The following SLC1A1 variants were observed in gnomAD, a reference collection of about 807,000 sequenced individuals.
SLC1A1 encodes the protein excitatory amino acid transporter 3.
Under a neutral mutation model 53.3 loss-of-function variants are expected in SLC1A1, and 43 were observed. The observed-to-expected ratio is 0.81, with a 90% confidence interval of 0.63 to 1.04. The LOEUF (loss-of-function observed/expected upper bound fraction) is 1.04, where lower values mean the gene tolerates loss of function less well. SLC1A1 is among the 50% of genes least tolerant of loss of function. SLC1A1 has a pLI of 0.00. For missense variants in SLC1A1, 748 were observed against 664.9 expected, an observed-to-expected ratio of 1.12 and a Z score of -1.37; for synonymous variants, 307 against 243.2, an observed-to-expected ratio of 1.26 and a Z score of -2.44.
chr9:4,556,038 A>G lies in SLC1A1; in HGVS notation c.233-5411A>G, dbSNP rs1564033011. ...AGTTTCACTCCTGTTGCCCAGGCTG[A>G]AGTGCAGTGGCATGATATCGGCTCA... is the stretch of plus-strand genomic sequence containing the variant. On this transcript the variant is annotated intron_variant, in intron 2 of 11. Transcript: ENST00000262352. This position sits in a 1 kb window ranked among gnomAD's most constrained non-coding sequence, Gnocchi z 4.1. Among the ~76,000 whole-genome samples, 1 of 151,282 alleles carries G rather than the reference A, an allele frequency of 6.6e-6. No homozygotes were observed. The highest frequency in any genetic ancestry group is 1.5e-5 in the Non-Finnish European group (1 of 67,872).
chr9:4,528,559 G>C (rs890973990), intron 1 of SLC1A1, among the ~76,000 whole-genome samples: 7 of 152,152 alleles, frequency 4.6e-5, no homozygotes, highest in African/African-American at 1.4e-4. Context: ...CTGGGAGACA[G>C]AGCAGGACTC....
Position 4,509,081 on chromosome 9 carries a change from C to T in SLC1A1, c.91+18311C>T, listed in dbSNP as rs145064873. Among the ~76,000 whole-genome samples the T allele has an allele frequency of 8.2e-3, 1,246 of 152,114 alleles. 27 individuals are homozygous for T. The highest frequency in any genetic ancestry group is 0.029 in the African/African-American group (1,194 of 41,492). ...TGGAGGAGGTGGCTTTTTAACTAGG[C>T]TTTAAGGGGTGGGTAGGAGTTTATT... On this transcript the variant is annotated intron_variant, in intron 1 of 11. Coordinates refer to ENST00000262352, the MANE Select transcript of SLC1A1 (RefSeq NM_004170.6).
chr9:4,547,765 C>A (rs970430631), intron 2 of SLC1A1, among the ~76,000 whole-genome samples: 1 of 151,946 alleles, frequency 6.6e-6, no homozygotes, highest in African/African-American at 2.4e-5. Flanking sequence ...TAAATGTATA[C>A]AAATTTATAT....
intron 2 of SLC1A1, among the ~76,000 whole-genome samples, chr9:4,561,013 AAACAAC>A (rs869138304): frequency 1.4e-5 from 2 of 141,654 alleles, no homozygotes; most frequent in Non-Finnish European, 3.2e-5. Context: ...ACAAACAAAC[AAACAAC>A]AACAACAACA....
intron 8 of SLC1A1, among the ~76,000 whole-genome samples, chr9:4,574,954 G>A (rs150843682): frequency 1.3e-5 from 2 of 152,302 alleles, no homozygotes; most frequent in East Asian, 3.9e-4. Context: ...GCTAAGGGAG[G>A]TGGGACCTCC....
chr9:4,539,805 C>T lies in SLC1A1; in HGVS notation c.92-4762C>T, dbSNP rs946349014. ...CAGGATGGTCTCAAACTCCTGACCT[C>T]GTGATCCATCTGCCTTGGCCTCCCA... On this transcript the variant is annotated intron_variant, in intron 1 of 11. Coordinates refer to ENST00000262352, the MANE Select transcript of SLC1A1 (RefSeq NM_004170.6). Among the ~76,000 whole-genome samples the T allele has an allele frequency of 3.3e-5, 5 of 152,062 alleles. No individual in the cohort carries two copies. The East Asian group carries it at 5.8e-4, about 18-fold the overall frequency.
At chr9:4,533,811 A>G (rs1816568989) in intron 1 of SLC1A1, among the ~76,000 whole-genome samples, 2 of 152,194 alleles carry the variant, frequency 1.3e-5, no homozygotes, top group African/African-American at 4.8e-5. Context: ...AGTTGGAAGT[A>G]AAGCACTCCT....
rs1367074462 is a variant in SLC1A1, at chr9:4,572,226, T to C, written c.605T>C (p.Ile202Thr). 1 of 1,613,442 alleles carries C rather than the reference T, an allele frequency of 6.2e-7. No homozygotes were observed. The highest frequency in any genetic ancestry group is 1.1e-5 in the South Asian group (1 of 91,076). The stretch of plus-strand genomic sequence containing the variant: ...CAGAACAAAACAAAGGAATACAAAA[T>C]TGTTGGCATGTATTCAGATGGCATA... ...ISKNKTKEYKIVGMYSDGINV... is the reference protein window; with the variant it reads ...ISKNKTKEYKTVGMYSDGINV... Residue 202 changes from isoleucine (I) to threonine (T), a missense_variant, in exon 7 of 12, where the codon ATT (isoleucine) becomes ACT (threonine). Physicochemically the swap from Ile to Thr is moderately conservative, Grantham distance 89. Transcript: ENST00000262352.
chr9:4,514,980 C>T (rs898297721), intron 1 of SLC1A1, among the ~76,000 whole-genome samples: 1 of 152,044 alleles, frequency 6.6e-6, no homozygotes, highest in Non-Finnish European at 1.5e-5. Flanking sequence ...AGGATTCAAG[C>T]AGCCGGGGCT....
chr9:4,554,463 C>G (rs1251862100), intron 2 of SLC1A1: 2 of 152,292 alleles, frequency 1.3e-5, no homozygotes, highest in Admixed American at 6.5e-5. Flanking sequence ...GGATGCCAAG[C>G]AAGGAAATCA....
At position 4,540,523 on chromosome 9, in the gene SLC1A1, C is replaced by T. The variant is rs114920351; in HGVS notation, c.92-4044C>T. On this transcript the variant is annotated intron_variant, in intron 1 of 11. Transcript: ENST00000262352. Reference sequence around the variant, plus strand: ...AAAAGAGCGCTGACTAAAACACATGCCCTCTGGGCCTTCAGGGGTAATGGG... The same window carrying T: ...AAAAGAGCGCTGACTAAAACACATGTCCTCTGGGCCTTCAGGGGTAATGGG... 7.2e-5 allele frequency among the ~76,000 whole-genome samples: 11 copies of T among 152,302 alleles called. 1 individual carries two copies. In the South Asian group the frequency reaches 2.1e-3, roughly 29 times the overall value.
chr9:4,522,153 G>A (rs1458499865), intron 1 of SLC1A1, among the ~76,000 whole-genome samples: 6 of 147,730 alleles, frequency 4.1e-5, no homozygotes, highest in African/African-American at 1.5e-4. Flanking sequence ...CTGGGTTCGT[G>A]CCATTCTCCT....
At chr9:4,547,790 T>C (rs914445271) in intron 2 of SLC1A1, among the ~76,000 whole-genome samples, 1 of 152,176 alleles carries the variant, frequency 6.6e-6, no homozygotes, top group African/African-American at 2.4e-5. Context: ...TACATATGTA[T>C]ACAAATTTAT....
At chr9:4,565,054 T>C (rs1819347886) in intron 4 of SLC1A1, among the ~76,000 whole-genome samples, 1 of 152,216 alleles carries the variant, frequency 6.6e-6, no homozygotes. Flanking sequence ...AAAGTTTCTA[T>C]AGAACAGAGC....
chr9:4,579,120 A>C (rs1820829230), intron 10 of SLC1A1, among the ~76,000 whole-genome samples: 1 of 152,136 alleles, frequency 6.6e-6, no homozygotes, highest in Non-Finnish European at 1.5e-5. Flanking sequence ...ACCATTTGGC[A>C]CACCAGCTGG....
intron 1 of SLC1A1, among the ~76,000 whole-genome samples, chr9:4,520,857 C>A (rs1032594101): frequency 1.3e-5 from 2 of 152,124 alleles, no homozygotes; most frequent in African/African-American, 2.4e-5. Flanking sequence ...TCCACAGAGG[C>A]TGCAACATTT....
chr9:4,490,756 C>G lies in SLC1A1; in HGVS notation c.77C>G (p.Ala26Gly). ...AACTGGGTGTTGCTGTCCACCGTGG[C>G]CGCGGTGGTGCTAGGTGAGCGGCGC... Reference protein sequence around the residue: ...KNNWVLLSTVAAVVLGITTGV... With the variant: ...KNNWVLLSTVGAVVLGITTGV... The change falls in exon 1 of 12, where the codon GCC (alanine) becomes GGC (glycine). Residue 26 changes from alanine to glycine, a missense_variant. Physicochemically the swap from Ala to Gly is moderately conservative, Grantham distance 60. Transcript: ENST00000262352. 1 of 1,612,248 alleles carries G rather than the reference C, an allele frequency of 6.2e-7. No individual in the cohort carries two copies. The highest frequency in any genetic ancestry group is 8.5e-7 in the Non-Finnish European group (1 of 1,178,736).
rs3056 is a variant in SLC1A1, at chr9:4,587,146, A to G, written c.*1588A>G. ...TGACGACCTACATCTGAAATCTACA[A>G]CATAATGATACTGAATTGTTATGTA... On this transcript the variant is annotated 3_prime_UTR_variant, in exon 12 of 12. Transcript: ENST00000262352. 0.19 allele frequency: 28,387 copies of G among 152,600 alleles called. 3,750 individuals carry two copies. The highest frequency in any genetic ancestry group is 0.68 in the East Asian group (3,498 of 5,170). 9.5% of individuals were successfully genotyped at this position (152,600 alleles called of 1,614,324 possible).
chr9:4,577,798 C>T (rs780933661), intron 10 of SLC1A1, among the ~76,000 whole-genome samples: 1 of 152,158 alleles, frequency 6.6e-6, no homozygotes, highest in Non-Finnish European at 1.5e-5. Context: ...CAAAGATAAG[C>T]AGCAATATGG....
Sources: allele counts gnomAD v4.1 joint callset (sites outside exome capture counted in the v4.1 genomes callset), GRCh38; gene constraint gnomAD v4.1.1; non-coding constraint Gnocchi (gnomAD v3.1); transcripts MANE v1.5; gene names NCBI Gene and HGNC (gene_info 2026-07-23, HGNC 2026-07-21).